The following CTTNBP2 variants were observed in gnomAD, a reference collection of about 807,000 sequenced individuals.
CTTNBP2 encodes cortactin-binding protein 2.
In CTTNBP2, 108 loss-of-function variants were observed where a neutral mutation model predicts 156.9. The observed-to-expected ratio is 0.69, with a 90% CI of 0.59 to 0.81. The LOEUF (loss-of-function observed/expected upper bound fraction) is 0.81, where lower values mean the gene tolerates loss of function less well. CTTNBP2 is among the 30% of genes least tolerant of loss of function. CTTNBP2 has a pLI of 0.00. For synonymous variants in CTTNBP2, 767 were observed against 751.8 expected, an observed-to-expected ratio of 1.02 and a Z score of -0.33; for missense variants, 1,924 against 2,035.4, an observed-to-expected ratio of 0.95 and a Z score of 1.05.
chr7:117,857,102 T>C (rs1803382770), intron 2 of CTTNBP2, among the ~76,000 whole-genome samples: 1 of 152,244 alleles, frequency 6.6e-6, no homozygotes. Flanking sequence ...TTTATTGAAC[T>C]GCAAAATATT....
At chr7:117,842,155 C>T (rs1802312473) in intron 2 of CTTNBP2, among the ~76,000 whole-genome samples, 1 of 152,052 alleles carries the variant, frequency 6.6e-6, no homozygotes, top group Non-Finnish European at 1.5e-5. Context: ...ACATGAGAAC[C>T]CTCTCTACTT....
At chr7:117,864,561 A>T (rs1803981901) in intron 1 of CTTNBP2, among the ~76,000 whole-genome samples, 1 of 133,098 alleles carries the variant, frequency 7.5e-6, no homozygotes, top group Non-Finnish European at 1.8e-5. Context: ...TATAAATATA[A>T]AGCACTTTAG....
intron 2 of CTTNBP2, among the ~76,000 whole-genome samples, chr7:117,826,700 T>C (rs1054200420): frequency 1.3e-5 from 2 of 151,454 alleles, no homozygotes; most frequent in Admixed American, 6.6e-5. Flanking sequence ...ATAAAACTTA[T>C]CAAAGTTTGT....
At chr7:117,831,961 G>C (rs544951476) in intron 2 of CTTNBP2, among the ~76,000 whole-genome samples, 2 of 152,106 alleles carry the variant, frequency 1.3e-5, no homozygotes, top group African/African-American at 4.8e-5. Context: ...AGTATTCTAT[G>C]ACCAAAATGA....
rs761074375 is a variant in CTTNBP2, at chr7:117,760,412, C to G, written c.3172+23G>C. ...AATAAACCCAGAAATTTCACTTTCT[C>G]TCCGTCATAGGACTGCTGATACCTA... On this transcript the variant is annotated intron_variant, in intron 10 of 22. Transcript: ENST00000160373. 5.0e-6 allele frequency: 8 copies of G among 1,598,636 alleles called. No homozygotes were observed. In the Admixed American group the frequency reaches 1.4e-4, roughly 27 times the overall value.
chr7:117,868,203 C>T (rs1804339559), intron 1 of CTTNBP2, among the ~76,000 whole-genome samples: 1 of 152,152 alleles, frequency 6.6e-6, no homozygotes, highest in African/African-American at 2.4e-5. Flanking sequence ...ATGTAATAAC[C>T]ATCCTTTAAG....
At chr7:117,853,396 AGAT>A (rs1803055814) in intron 2 of CTTNBP2, among the ~76,000 whole-genome samples, 1 of 152,222 alleles carries the variant, frequency 6.6e-6, no homozygotes, top group Admixed American at 6.5e-5. Flanking sequence ...TACATAATAA[AGAT>A]GATGCTGCAC....
At chr7:117,744,533 C>T (rs1416292993) in intron 14 of CTTNBP2, among the ~76,000 whole-genome samples, 1 of 151,938 alleles carries the variant, frequency 6.6e-6, no homozygotes, top group Admixed American at 6.6e-5. Context: ...TTTTTATGGT[C>T]GAATAGCGCT....
intron 16 of CTTNBP2, among the ~76,000 whole-genome samples, chr7:117,731,994 GT>G (rs1271823301): frequency 1.3e-5 from 2 of 152,136 alleles, no homozygotes; most frequent in African/African-American, 2.4e-5. Flanking sequence ...GTTCAAAAAA[GT>G]TTTTTTAACT....
chr7:117,797,202 T>C (rs1023855691), intron 3 of CTTNBP2, among the ~76,000 whole-genome samples: 3 of 152,134 alleles, frequency 2.0e-5, no homozygotes, highest in Non-Finnish European at 4.4e-5. Flanking sequence ...ATCCTTGAAT[T>C]ACACATTCAT....
chr7:117,742,805 C>T (rs1446338924), intron 14 of CTTNBP2, among the ~76,000 whole-genome samples: 5 of 152,266 alleles, frequency 3.3e-5, no homozygotes, highest in South Asian at 2.1e-4. Flanking sequence ...AACAAAATCC[C>T]AAAGTTTTTA....
At chr7:117,847,214 A>C (rs1202395764) in intron 2 of CTTNBP2, among the ~76,000 whole-genome samples, 6 of 152,184 alleles carry the variant, frequency 3.9e-5, no homozygotes, top group Admixed American at 3.9e-4. Flanking sequence ...AGGACAATAA[A>C]GAGAGTTGGA....
intron 2 of CTTNBP2, among the ~76,000 whole-genome samples, chr7:117,833,448 C>T (rs1328249494): frequency 6.6e-6 from 1 of 152,202 alleles, no homozygotes; most frequent in Non-Finnish European, 1.5e-5. Context: ...CATTTTAAAA[C>T]AAGTTCCAAC....
intron 14 of CTTNBP2, among the ~76,000 whole-genome samples, chr7:117,741,321 G>A (rs1156773329): frequency 6.6e-6 from 1 of 152,142 alleles, no homozygotes; most frequent in Non-Finnish European, 1.5e-5. Flanking sequence ...TTGCTAACTT[G>A]GGCAACTGCA....
chr7:117,805,517 G>T (rs2116937096), intron 3 of CTTNBP2, among the ~76,000 whole-genome samples: 1 of 152,268 alleles, frequency 6.6e-6, no homozygotes, highest in East Asian at 1.9e-4. Flanking sequence ...AGCCTCTACA[G>T]TATGTAATAA....
chr7:117,767,009 C>A, intron 9 of CTTNBP2, 50 bp downstream of exon 9: 1 of 1,013,904 alleles, frequency 9.9e-7, no homozygotes, highest in Non-Finnish European at 1.6e-6. Flanking sequence ...GTACCAGAGG[C>A]CCCAGCAGCA....
intron 2 of CTTNBP2, among the ~76,000 whole-genome samples, chr7:117,823,558 C>T (rs1027946776): frequency 1.2e-4 from 19 of 152,166 alleles, no homozygotes; most frequent in African/African-American, 4.3e-4. Context: ...ATCCTAACCA[C>T]GCATAAGAAT....
chr7:117,714,520 A>ATTAATGCCATGGCCCAGAG (rs1396660294), intron 22 of CTTNBP2, among the ~76,000 whole-genome samples: 1 of 152,174 alleles, frequency 6.6e-6, no homozygotes, highest in African/African-American at 2.4e-5. Flanking sequence ...TACAGAGTTA[A>ATTAATGCCATGGCCCAGAG]TTAATGCCAT....
chr7:117,854,563 G>A (rs1803137186), intron 2 of CTTNBP2, among the ~76,000 whole-genome samples: 1 of 152,020 alleles, frequency 6.6e-6, no homozygotes, highest in Non-Finnish European at 1.5e-5. Flanking sequence ...GAAAAATAAG[G>A]CATTTAATTT....
Sources: gnomAD v4.1 joint callset for allele counts (sites outside exome capture counted in the v4.1 genomes callset) on GRCh38, gnomAD v4.1.1 for gene constraint, MANE v1.5 for transcripts, NCBI Gene and HGNC (gene_info 2026-07-23, HGNC 2026-07-21) for gene names.